The following LRRC4C variants were observed in gnomAD, a reference collection of about 807,000 sequenced individuals.
LRRC4C encodes the protein leucine-rich repeat-containing protein 4C.
LRRC4C carries 5 observed loss-of-function variants against 33.6 expected under a neutral mutation model. That is an observed-to-expected ratio of 0.15 (90% CI 0.08 to 0.31). The LOEUF (loss-of-function observed/expected upper bound fraction) is 0.31, where lower values mean the gene tolerates loss of function less well. Among genes scored for constraint, LRRC4C ranks in the 10% least tolerant of loss-of-function variants. The pLI is 1.00. For synonymous variants in LRRC4C, 329 were observed against 302.0 expected, an observed-to-expected ratio of 1.09 and a Z score of -0.93; for missense variants, 560 against 796.7, an observed-to-expected ratio of 0.70 and a Z score of 3.58.
chr11:40,184,784 C>T (rs1419264536), intron 5 of LRRC4C, among the ~76,000 whole-genome samples: 1 of 152,092 alleles, frequency 6.6e-6, no homozygotes, highest in Admixed American at 6.6e-5. Flanking sequence ...AATGCAATCT[C>T]ACACCCAAGA....
At chr11:40,662,655 T>C (rs897903799) in intron 2 of LRRC4C, among the ~76,000 whole-genome samples, 1 of 152,184 alleles carries the variant, frequency 6.6e-6, no homozygotes, top group Non-Finnish European at 1.5e-5. Context: ...CTTCATTTTG[T>C]CTAAGTGCAG....
At chr11:40,881,627 T>C (rs918358885) in intron 2 of LRRC4C, among the ~76,000 whole-genome samples, 1 of 149,510 alleles carries the variant, frequency 6.7e-6, no homozygotes, top group African/African-American at 2.5e-5. Flanking sequence ...GATTATTTAG[T>C]GTTCATTTTT....
intron 4 of LRRC4C, among the ~76,000 whole-genome samples, chr11:40,315,806 T>G (rs570060656): frequency 6.6e-6 from 1 of 152,120 alleles, no homozygotes; most frequent in East Asian, 1.9e-4. Context: ...CACCAAATTA[T>G]ACTCTGAACA....
chr11:40,206,405 T>G (rs1863155760), intron 5 of LRRC4C, among the ~76,000 whole-genome samples: 1 of 106,692 alleles, frequency 9.4e-6, no homozygotes, highest in Non-Finnish European at 2.0e-5. Flanking sequence ...CCAGCTAATT[T>G]TTGTATTTTT....
intron 3 of LRRC4C, among the ~76,000 whole-genome samples, chr11:40,576,157 T>C (rs6485204): frequency 0.15 from 22,727 of 152,214 alleles, 1,994 homozygotes; most frequent in Admixed American, 0.23. Context: ...CAAAGGTCTG[T>C]AGAGAGGGAT....
At chr11:41,400,411 C>G (rs921543616) in intron 1 of LRRC4C, among the ~76,000 whole-genome samples, 2 of 151,772 alleles carry the variant, frequency 1.3e-5, no homozygotes, top group Non-Finnish European at 2.9e-5. Flanking sequence ...TTTCCACTCC[C>G]CTTGTTAGTT....
intron 1 of LRRC4C, among the ~76,000 whole-genome samples, chr11:41,077,227 C>G (rs1025412007): frequency 1.3e-5 from 2 of 152,122 alleles, no homozygotes; most frequent in African/African-American, 4.8e-5. Context: ...GGATGGTGGC[C>G]TTTTTCTCAC....
Position 40,391,596 on chromosome 11 carries a change from A to G in LRRC4C, c.-269-71875T>C, listed in dbSNP as rs138766201. On this transcript the variant is annotated intron_variant, in intron 3 of 6. Transcript: ENST00000528697. ...AGAAGTATTTGAACTCAGTCCACCT[A>G]TTGTTTGAGTCTACGTATTCAGCCA... 2.5e-3 allele frequency among the ~76,000 whole-genome samples: 379 copies of G among 152,308 alleles called. 1 individual carries two copies. Among genetic ancestry groups the G allele is most frequent in the Non-Finnish European group, 4.0e-3 (274 of 68,026 alleles).
chr11:40,623,094 T>C (rs554307600), intron 3 of LRRC4C, among the ~76,000 whole-genome samples: 57 of 151,840 alleles, frequency 3.8e-4, no homozygotes, highest in African/African-American at 1.3e-3. Flanking sequence ...ATGTTGTATT[T>C]TAGAATCTAC....
rs530467729 is a variant in LRRC4C, at chr11:41,301,370, T to C, written c.-496+158061A>G. Among the ~76,000 whole-genome samples, 3 of 152,314 alleles carry C rather than the reference T, an allele frequency of 2.0e-5. No homozygotes were observed. In the East Asian group the frequency reaches 5.8e-4, roughly 29 times the overall value. On this transcript the variant is annotated intron_variant, in intron 1 of 6. Coordinates refer to ENST00000528697, the MANE Select transcript of LRRC4C (RefSeq NM_001258419.2). ...TTTGTAAAGTTTTGATGTTAGTGAGTTGCTAAAAGCTTTGTTGTCAAATTG... is the reference window on the plus strand; with the variant it reads ...TTTGTAAAGTTTTGATGTTAGTGAGCTGCTAAAAGCTTTGTTGTCAAATTG...
intron 1 of LRRC4C, among the ~76,000 whole-genome samples, chr11:41,155,533 C>A (rs1160836287): frequency 6.6e-6 from 1 of 152,060 alleles, no homozygotes; most frequent in African/African-American, 2.4e-5. Flanking sequence ...CTTCCCAAAG[C>A]AGTTCTTTGC....
At chr11:41,084,200 T>G (rs886196903) in intron 1 of LRRC4C, among the ~76,000 whole-genome samples, 1 of 152,182 alleles carries the variant, frequency 6.6e-6, no homozygotes, top group African/African-American at 2.4e-5. Flanking sequence ...TAAATTGTGA[T>G]GTAAAACCCC....
intron 2 of LRRC4C, among the ~76,000 whole-genome samples, chr11:40,901,548 C>A (rs1378564074): frequency 6.6e-6 from 1 of 151,990 alleles, no homozygotes; most frequent in Non-Finnish European, 1.5e-5. Flanking sequence ...TGCAGTGTAC[C>A]TCTACCAGTT....
chr11:41,161,894 T>G (rs1401210478), intron 1 of LRRC4C, among the ~76,000 whole-genome samples: 1 of 152,194 alleles, frequency 6.6e-6, no homozygotes, highest in Admixed American at 6.5e-5. Context: ...CTAGGTGGTT[T>G]CACCAATGGG....
intron 2 of LRRC4C, among the ~76,000 whole-genome samples, chr11:40,875,418 A>G (rs1306705573): frequency 1.3e-5 from 2 of 152,186 alleles, no homozygotes; most frequent in Non-Finnish European, 2.9e-5. Flanking sequence ...AAGATCCCGC[A>G]TTTGATGAAT....
chr11:40,649,034 C>T (rs960539563), intron 2 of LRRC4C, among the ~76,000 whole-genome samples: 1 of 152,126 alleles, frequency 6.6e-6, no homozygotes. Context: ...AAAAGGAGAA[C>T]AAAGATCACA....
At chr11:40,699,016 A>G (rs1038842470) in intron 2 of LRRC4C, among the ~76,000 whole-genome samples, 3 of 152,114 alleles carry the variant, frequency 2.0e-5, no homozygotes, top group South Asian at 2.1e-4. Context: ...CACAAAAGGC[A>G]GGTTTTCATG....
Position 40,812,302 on chromosome 11 carries a change from A to C in LRRC4C, c.-407+121333T>G, listed in dbSNP as rs555939131. On this transcript the variant is annotated intron_variant, in intron 2 of 6. Transcript: ENST00000528697. The stretch of plus-strand genomic sequence containing the variant: ...GCAACTCTCACTTGTTATGTGACTT[A>C]GGCCTCTGACTGATACACAGTCTTC... Among the ~76,000 whole-genome samples the C allele has an allele frequency of 7.9e-5, 12 of 151,296 alleles. No individual in the cohort carries two copies. In the East Asian group the frequency reaches 2.3e-3, roughly 29 times the overall value.
At chr11:41,232,457 C>T (rs965641207) in intron 1 of LRRC4C, among the ~76,000 whole-genome samples, 1 of 151,992 alleles carries the variant, frequency 6.6e-6, no homozygotes, top group African/African-American at 2.4e-5. Context: ...CAAACGTTCC[C>T]TGGGTAAGGG....
Sources: gnomAD v4.1 joint callset for allele counts (sites outside exome capture counted in the v4.1 genomes callset) on GRCh38, gnomAD v4.1.1 for gene constraint, MANE v1.5 for transcripts, NCBI Gene and HGNC (gene_info 2026-07-23, HGNC 2026-07-21) for gene names.